The following TNRC6B variants were observed in gnomAD, a reference collection of about 807,000 sequenced individuals.
TNRC6B encodes trinucleotide repeat-containing gene 6B protein.
In TNRC6B, 52 loss-of-function variants were observed where a neutral mutation model predicts 203.6. That is an observed-to-expected ratio of 0.26 (90% CI 0.20 to 0.32). The LOEUF is 0.32. Among genes scored for constraint, TNRC6B ranks in the 10% least tolerant of loss-of-function variants. The pLI is 1.00. For synonymous variants in TNRC6B, 838 were observed against 845.7 expected, an observed-to-expected ratio of 0.99 and a Z score of 0.16; for missense variants, 1,923 against 2,286.2, an observed-to-expected ratio of 0.84 and a Z score of 3.24.
At chr22:40,132,969 A>AAAAAAAAAATATATAT (rs1282694632) in intron 3 of TNRC6B, among the ~76,000 whole-genome samples, 1 of 78,184 alleles carries the variant, frequency 1.3e-5, no homozygotes, top group Non-Finnish European at 2.6e-5. Context: ...AAAAAAAAAA[A>AAAAAAAAAATATATAT]ATATATATAT....
intron 3 of TNRC6B, among the ~76,000 whole-genome samples, chr22:40,139,336 T>C (rs2068626364): frequency 6.6e-6 from 1 of 151,092 alleles, no homozygotes; most frequent in South Asian, 2.1e-4. Context: ...TTTTTTTTTT[T>C]TTTTTTTTTG....
chr22:40,319,047 G>A (rs1216240360), intron 21 of TNRC6B, among the ~76,000 whole-genome samples: 3 of 152,138 alleles, frequency 2.0e-5, no homozygotes, highest in African/African-American at 7.2e-5. Context: ...CTCCAGCCTG[G>A]GTAACAGAGC....
chr22:40,252,557 C>T (rs2070210491), intron 3 of TNRC6B, among the ~76,000 whole-genome samples: 2 of 152,138 alleles, frequency 1.3e-5, no homozygotes, highest in African/African-American at 2.4e-5. Context: ...CTAGGCGTTA[C>T]TATAATAAAT....
In TNRC6B at chr22:40,129,994, T is replaced by A. The variant is rs186891336; in HGVS notation, c.45+4132T>A. On this transcript the variant is annotated intron_variant, in intron 3 of 23. Coordinates refer to the TNRC6B transcript ENST00000301923. ...AGGTGCAGAAACCAAATTTTATGGG[T>A]TAAAGAGAAATTAAATGATTTTTAA... is the stretch of plus-strand genomic sequence containing the variant. 4.7e-4 allele frequency among the ~76,000 whole-genome samples: 71 copies of A among 152,234 alleles called. 1 individual carries two copies. The highest frequency in any genetic ancestry group is 8.1e-4 in the Non-Finnish European group (55 of 68,008).
Position 40,258,071 on chromosome 22 carries a change from C to CTTT in TNRC6B, c.116-3733_116-3731dup, listed in dbSNP as rs56078653. 1.2e-3 allele frequency among the ~76,000 whole-genome samples: 35 copies of CTTT among 28,712 alleles called. 1 individual carries two copies. Among genetic ancestry groups the CTTT allele is most frequent in the South Asian group, 1.7e-3 (1 of 578 alleles). The allele number at this position is 28,712 out of a possible 152,430, so 18.8% of individuals were successfully genotyped here. A position where few individuals can be genotyped will look rare whatever the true frequency, so the allele number is the denominator to read the frequency against. On this transcript the variant is annotated intron_variant, in intron 3 of 22. Coordinates refer to ENST00000454349, the MANE Select transcript of TNRC6B (RefSeq NM_001162501.2). ...GAAATCAGAAAATAGGATACACAGC[C>CTTT]TTTTTTTTTTTTTTTTTTTTTTTTT... is the stretch of plus-strand genomic sequence containing the variant.
chr22:40,254,369 T>C (rs1458205487), intron 3 of TNRC6B, among the ~76,000 whole-genome samples: 1 of 152,060 alleles, frequency 6.6e-6, no homozygotes, highest in Non-Finnish European at 1.5e-5. Flanking sequence ...AAAAAGATGT[T>C]AGGGGCCAGG....
chr22:40,299,900 A>G (rs2070999400), intron 12 of TNRC6B, among the ~76,000 whole-genome samples: 1 of 152,248 alleles, frequency 6.6e-6, no homozygotes, highest in South Asian at 2.1e-4. Flanking sequence ...ACTCCTGAGA[A>G]CAGGGAGAAG....
intron 1 of TNRC6B, among the ~76,000 whole-genome samples, chr22:40,089,691 T>C (rs1440516667): frequency 2.0e-5 from 3 of 152,236 alleles, no homozygotes; most frequent in African/African-American, 7.2e-5. Flanking sequence ...TGAACTTATG[T>C]TGGTACACCA....
intron 4 of TNRC6B, among the ~76,000 whole-genome samples, chr22:40,163,605 T>C (rs2068891666): frequency 6.6e-6 from 1 of 150,980 alleles, no homozygotes; most frequent in South Asian, 2.1e-4. Flanking sequence ...ATACTAAAAC[T>C]ACAAAATTAG....
intron 1 of TNRC6B, among the ~76,000 whole-genome samples, chr22:40,235,951 G>A (rs983198911): frequency 1.3e-5 from 2 of 152,176 alleles, no homozygotes. Context: ...ATGAGTCAAT[G>A]TTTGAAGCTC....
intron 14 of TNRC6B, 69 bp from the exon 15 acceptor site, chr22:40,301,081 C>A: frequency 6.4e-7 from 1 of 1,564,256 alleles, no homozygotes; most frequent in Non-Finnish European, 8.7e-7. Context: ...TGGCAAAGAA[C>A]CGGGCACAGT....
intron 1 of TNRC6B, among the ~76,000 whole-genome samples, chr22:40,052,577 C>T (rs2067758574): frequency 6.6e-6 from 1 of 151,140 alleles, no homozygotes; most frequent in South Asian, 2.1e-4. Context: ...CCACCTCAGC[C>T]TCCTGAACAG....
Position 40,264,816 on chromosome 22 carries a change from G to C in TNRC6B, c.586G>C (p.Asp196His). ...IWDKVIVDGSDMEEWPCIASK... is the reference protein window; with the variant it reads ...IWDKVIVDGSHMEEWPCIASK... ...GGACAAGGTGATTGTAGACGGGTCT[G>C]ACATGGAAGAGTGGCCTTGTATTGC... is the stretch of plus-strand genomic sequence containing the variant. Residue 196 changes from aspartate (D) to histidine (H), a missense_variant, in exon 5 of 23, where the codon GAC becomes CAC. By Grantham distance (81) the Asp-to-His change is moderately conservative. Around this residue, in one of 8 missense-constraint regions of TNRC6B, gnomAD observed 614 missense variants for 587.7 expected, o/e 1.04. Coordinates refer to ENST00000454349, the MANE Select transcript of TNRC6B (RefSeq NM_001162501.2). 1 of 1,614,000 alleles carries C rather than the reference G, an allele frequency of 6.2e-7. No homozygotes were observed. The highest frequency in any genetic ancestry group is 2.2e-5 in the East Asian group (1 of 44,884).
Position 40,285,642 on chromosome 22 carries a change from C to T in TNRC6B, c.3583-3C>T. On this transcript the variant is annotated splice_region_variant and splice_polypyrimidine_tract_variant and intron_variant, in intron 11 of 22. Coordinates refer to ENST00000454349, the MANE Select transcript of TNRC6B (RefSeq NM_001162501.2). The stretch of plus-strand genomic sequence containing the variant: ...AGCCTTACTGCTGCTTTTCTGTTTA[C>T]AGGGCGGTAGTCATGGTTTGTTTGG... The T allele has an allele frequency of 6.2e-7, 1 of 1,607,850 alleles. No homozygotes were observed. The highest frequency in any genetic ancestry group is 2.2e-5 in the East Asian group (1 of 44,646).
At chr22:40,071,511 C>T (rs1412331409) in intron 1 of TNRC6B, among the ~76,000 whole-genome samples, 1 of 152,132 alleles carries the variant, frequency 6.6e-6, no homozygotes, top group Non-Finnish European at 1.5e-5. Flanking sequence ...GTCATTTGGA[C>T]TTTGGTATTA....
chr22:40,262,115 C>T lies in TNRC6B; in HGVS notation c.399C>T (p.Asn133=), dbSNP rs971187434. ...CTCCCTGCACAGCACCTGGAGCAAA[C>T]CCAAACAACGCACAAGTGACAGGAG... ...GPPPCTAPGA[N]PNNAQVTGAL... The change falls in exon 4 of 23, where the codon AAC becomes AAT. Residue 133 remains asparagine, a synonymous_variant. Transcript: ENST00000454349. 2 of 1,512,670 alleles carry T rather than the reference C, an allele frequency of 1.3e-6. No individual in the cohort carries two copies. Among genetic ancestry groups the T allele is most frequent in the Non-Finnish European group, 9.0e-7 (1 of 1,112,248 alleles). The allele number at this position is 1,512,670 out of a possible 1,614,324, so 93.7% of individuals were successfully genotyped here.
At chr22:40,228,979 A>T (rs1291149846) in intron 1 of TNRC6B, among the ~76,000 whole-genome samples, 2 of 152,088 alleles carry the variant, frequency 1.3e-5, no homozygotes, top group Non-Finnish European at 2.9e-5. Flanking sequence ...TTATTCACTA[A>T]ATCTTACATT....
chr22:40,265,105 G>A lies in TNRC6B; in HGVS notation c.875G>A (p.Arg292Lys), dbSNP rs202196686. 247 of 1,613,904 alleles carry A rather than the reference G, an allele frequency of 1.5e-4. No individual in the cohort carries two copies. The highest frequency in any genetic ancestry group is 3.0e-4 in the Admixed American group (18 of 59,998). Residue 292 changes from arginine to lysine, a missense_variant, in exon 5 of 23, where the codon AGA becomes AAA. Coordinates refer to ENST00000454349, the MANE Select transcript of TNRC6B (RefSeq NM_001162501.2). ...GNWRNVSGQDRIGPGSGFSNF... is the reference protein window; with the variant it reads ...GNWRNVSGQDKIGPGSGFSNF... ...TGGAGGAATGTGAGTGGTCAGGATAGAATTGGACCTGGCTCTGGCTTCAGC... is the reference window on the plus strand; with the variant it reads ...TGGAGGAATGTGAGTGGTCAGGATAAAATTGGACCTGGCTCTGGCTTCAGC...
At chr22:40,218,397 GCT>G (rs1393467923) in intron 1 of TNRC6B, among the ~76,000 whole-genome samples, 1 of 143,582 alleles carries the variant, frequency 7.0e-6, no homozygotes, top group Non-Finnish European at 1.5e-5. Context: ...CATGATCGTG[GCT>G]CTCTGCAGCC....
Sources: allele counts gnomAD v4.1 joint callset (sites outside exome capture counted in the v4.1 genomes callset), GRCh38; gene constraint gnomAD v4.1.1; regional missense constraint gnomAD v4.1.1; transcripts MANE v1.5; gene names NCBI Gene and HGNC (gene_info 2026-07-23, HGNC 2026-07-21).